Variants in OSMR observed in about 807,000 individuals in gnomAD.
OSMR encodes the protein oncostatin-M-specific receptor subunit beta.
A neutral mutation model predicts 99.9 loss-of-function variants in OSMR; 81 were observed. The observed-to-expected ratio is 0.81, with a 90% confidence interval of 0.68 to 0.97. OSMR has a LOEUF of 0.97. OSMR is among the 50% of genes least tolerant of loss of function. The pLI is 0.00. For synonymous variants in OSMR, 406 were observed against 410.4 expected (o/e 0.99, Z 0.13); for missense variants, 1,099 against 1,153.4 (o/e 0.95, Z 0.68).
At position 38,921,748 on chromosome 5, in the gene OSMR, G is replaced by C; in HGVS notation, c.1719G>C (p.Gln573His). ...CCCAGGATGTGCTCGGTGATTTCCA[G>C]TGGAAGAATGTAGGTCCCAATACCA... ...DHTQDVLGDFQWKNVGPNTTS... is the reference protein window; with the variant it reads ...DHTQDVLGDFHWKNVGPNTTS... Residue 573 changes from glutamine to histidine, a missense_variant, in exon 12 of 18, where the codon CAG (glutamine) becomes CAC (histidine). By Grantham distance (24) the Gln-to-His change is conservative. Transcript: ENST00000274276. 6.2e-7 allele frequency: 1 copy of C among 1,614,164 alleles called. No homozygotes were observed.
intron 15 of OSMR, among the ~76,000 whole-genome samples, chr5:38,928,726 G>A (rs1369653950): frequency 6.6e-6 from 1 of 152,188 alleles, no homozygotes; most frequent in Non-Finnish European, 1.5e-5. Context: ...CTGACTGCAT[G>A]TTGACTACTA....
At chr5:38,938,163 A>G (rs1392015776), downstream of OSMR, 4 of 218,518 alleles carry the variant, frequency 1.8e-5, no homozygotes, top group Non-Finnish European at 2.8e-5. Flanking sequence ...CAGTTATACA[A>G]TATAAATCAG....
chr5:38,871,459 C>T (rs1310456882), intron 2 of OSMR, among the ~76,000 whole-genome samples: 3 of 152,228 alleles, frequency 2.0e-5, no homozygotes, highest in Admixed American at 1.3e-4. Context: ...ATTTCTGCTG[C>T]ATTTAACCAA....
chr5:38,881,915 T>C lies in OSMR; in HGVS notation c.418+151T>C. ...TCCTATGGGAACTAAAAAACACAGGTGTGAAACTTGGCACTGGAAGATATA... is the reference window on the plus strand; with the variant it reads ...TCCTATGGGAACTAAAAAACACAGGCGTGAAACTTGGCACTGGAAGATATA... On this transcript the variant is annotated intron_variant, in intron 4 of 17. Coordinates refer to ENST00000274276, the MANE Select transcript of OSMR (RefSeq NM_003999.3). 5 of 685,790 alleles carry C rather than the reference T, an allele frequency of 7.3e-6. No individual in the cohort carries two copies. The South Asian group carries it at 9.3e-5, about 13-fold the overall frequency. 42.5% of individuals were successfully genotyped at this position (685,790 alleles called of 1,614,324 possible). A position where few individuals can be genotyped will look rare whatever the true frequency, so the allele number is the denominator to read the frequency against.
At position 38,931,958 on chromosome 5, in the gene OSMR, G is replaced by C. The variant is rs376502104; in HGVS notation, c.2288G>C (p.Ser763Thr). ...LLIMVMCYLK[S>T]QWIKETCYPD... is the part of the protein sequence containing the mutation. ...ATCATGGTCATGTGCTACTTGAAAAGTCAGTGGTAAGTGTGTGAGGAAGGT... is the reference window on the plus strand; with the variant it reads ...ATCATGGTCATGTGCTACTTGAAAACTCAGTGGTAAGTGTGTGAGGAAGGT... Residue 763 changes from serine (S) to threonine (T), a missense_variant, in exon 16 of 18, where the codon AGT (serine) becomes ACT (threonine). Coordinates refer to ENST00000274276, the MANE Select transcript of OSMR (RefSeq NM_003999.3). 6.2e-7 allele frequency: 1 copy of C among 1,612,502 alleles called. No individual in the cohort carries two copies. Among genetic ancestry groups the C allele is most frequent in the South Asian group, 1.1e-5 (1 of 91,058 alleles).
intron 7 of OSMR, among the ~76,000 whole-genome samples, chr5:38,899,214 T>C (rs1489508981): frequency 3.9e-5 from 6 of 152,124 alleles, no homozygotes; most frequent in Admixed American, 2.0e-4. Flanking sequence ...CACCTCGGCC[T>C]CTCAAAGTTG....
chr5:38,904,629 TA>T (rs1561387614), intron 9 of OSMR, 126 bp downstream of exon 9: 25 of 1,162,914 alleles, frequency 2.1e-5, no homozygotes, highest in Non-Finnish European at 3.0e-5. Flanking sequence ...GGGTAGCATT[TA>T]AAAAATTAGA....
Position 38,918,845 on chromosome 5 carries a change from A to T in OSMR, c.1368A>T (p.Leu456Phe), listed in dbSNP as rs1390367655. The T allele has an allele frequency of 1.2e-6, 2 of 1,613,990 alleles. No homozygotes were observed. The highest frequency in any genetic ancestry group is 1.7e-6 in the Non-Finnish European group (2 of 1,179,834). ...NHTVTLFWKPLSKLHANGKIL... is the reference protein window; with the variant it reads ...NHTVTLFWKPFSKLHANGKIL... ...TTTATCAATATTTTTTTCAGCCATT[A>T]TCAAAACTGCATGCCAATGGAAAGA... is the stretch of plus-strand genomic sequence containing the variant. Residue 456 changes from leucine to phenylalanine, a missense_variant, in exon 11 of 18, where the codon TTA (leucine) becomes TTT (phenylalanine). Physicochemically the swap from Leu to Phe is conservative, Grantham distance 22. Coordinates refer to ENST00000274276, the MANE Select transcript of OSMR (RefSeq NM_003999.3).
rs1445883926 is a variant in OSMR at position 38,869,077 on chromosome 5, C to T, written c.33C>T (p.Phe11=). 6.2e-7 allele frequency: 1 copy of T among 1,613,700 alleles called. No individual in the cohort carries two copies. Among genetic ancestry groups the T allele is most frequent in the South Asian group, 1.1e-5 (1 of 91,078 alleles). ...TATTTGCAGTCTTTCAGACAACATT[C>T]TTCTTAACATTGCTGTCCTTGAGGA... MALFAVFQTT[F]FLTLLSLRTY... is the part of the protein sequence containing the mutation. Residue 11 remains phenylalanine, a synonymous_variant, in exon 2 of 18, where the codon TTC becomes TTT. Coordinates refer to ENST00000274276, the MANE Select transcript of OSMR (RefSeq NM_003999.3).
At chr5:38,917,251 A>G (rs1409126652) in intron 9 of OSMR, 1 of 181,496 alleles carries the variant, frequency 5.5e-6, no homozygotes, top group East Asian at 1.9e-4. Context: ...CTCATCTGGA[A>G]TTGGTCTAAT....
chr5:38,851,855 G>A (rs1299606814), intron 1 of OSMR, among the ~76,000 whole-genome samples: 1 of 152,148 alleles, frequency 6.6e-6, no homozygotes, highest in African/African-American at 2.4e-5. Flanking sequence ...TCGTGGTAGA[G>A]AATAAGTCTC....
chr5:38,895,791 G>T (rs1744467467), intron 7 of OSMR, among the ~76,000 whole-genome samples: 1 of 151,960 alleles, frequency 6.6e-6, no homozygotes, highest in African/African-American at 2.4e-5. Context: ...TAAGGTCTTA[G>T]ATTTAAGTCT....
chr5:38,882,476 G>A (rs530926260), intron 4 of OSMR, among the ~76,000 whole-genome samples: 1 of 152,236 alleles, frequency 6.6e-6, no homozygotes, highest in South Asian at 2.1e-4. Context: ...TCTGGAGGCT[G>A]AGGCAGGAGA....
At chr5:38,846,525 A>G (rs983632648) in intron 1 of OSMR, 138 bp downstream of exon 1, 2 of 152,168 alleles carry the variant, frequency 1.3e-5, no homozygotes, top group Admixed American at 6.5e-5. Flanking sequence ...GAAAATTCCC[A>G]CTTGAATCCC....
chr5:38,917,752 A>G (rs940134639), intron 10 of OSMR, 130 bp downstream of exon 10: 12 of 717,240 alleles, frequency 1.7e-5, no homozygotes, highest in Middle Eastern at 5.0e-4. Flanking sequence ...CATTCATCCA[A>G]TAGAATTTCT....
intron 7 of OSMR, among the ~76,000 whole-genome samples, chr5:38,889,168 A>G (rs1008411260): frequency 2.0e-5 from 3 of 152,090 alleles, no homozygotes; most frequent in Non-Finnish European, 2.9e-5. Flanking sequence ...GTGTTCAGTA[A>G]TATGGTACAT....
At chr5:38,887,695 T>C (rs568333058) in intron 7 of OSMR, among the ~76,000 whole-genome samples, 1 of 152,322 alleles carries the variant, frequency 6.6e-6, no homozygotes, top group East Asian at 1.9e-4. Context: ...GTAAAACTGA[T>C]AATTAATTTA....
rs145591055 is a variant in OSMR, at chr5:38,849,361, A to G, written c.-14+2974A>G. Among the ~76,000 whole-genome samples the G allele has an allele frequency of 7.6e-3, 1,160 of 152,306 alleles. 41 individuals carry two copies. Among genetic ancestry groups the G allele is most frequent in the Admixed American group, 0.051 (781 of 15,300 alleles). The stretch of plus-strand genomic sequence containing the variant: ...TCCAATAGCATTTATTTAATAATTC[A>G]TCTTTTTTCCAACTCATTTGAAATT... On this transcript the variant is annotated intron_variant, in intron 1 of 17. Transcript: ENST00000274276.
chr5:38,883,482 G>A (rs553024462), intron 4 of OSMR, among the ~76,000 whole-genome samples: 3 of 152,356 alleles, frequency 2.0e-5, no homozygotes, highest in Non-Finnish European at 2.9e-5. Context: ...ATGAGATAAT[G>A]TACATAAACA....
Sources: allele counts gnomAD v4.1 joint callset (sites outside exome capture counted in the v4.1 genomes callset), GRCh38; gene constraint gnomAD v4.1.1; transcripts MANE v1.5; gene names NCBI Gene and HGNC (gene_info 2026-07-23, HGNC 2026-07-21).